Variants in HCN1 observed in about 807,000 individuals in gnomAD.
The protein encoded by HCN1 is potassium/sodium hyperpolarization-activated cyclic nucleotide-gated channel 1.
In HCN1, 13 loss-of-function variants were observed where a neutral mutation model predicts 78.9. The observed-to-expected ratio is 0.16, with a 90% confidence interval of 0.11 to 0.26. The LOEUF (loss-of-function observed/expected upper bound fraction) is 0.26. Among genes scored for constraint, HCN1 ranks in the 10% least tolerant of loss-of-function variants. The pLI is 1.00. For synonymous variants in HCN1, 552 were observed against 455.5 expected (o/e 1.21, Z -2.70); for missense variants, 810 against 1,154.3 (o/e 0.70, Z 4.32).
intron 2 of HCN1, among the ~76,000 whole-genome samples, chr5:45,587,075 C>G (rs181982906): frequency 6.6e-6 from 1 of 152,070 alleles, no homozygotes; most frequent in Admixed American, 6.6e-5. Context: ...ATGTGGAGAA[C>G]AAGGAACACT....
chr5:45,601,611 G>T (rs542185836), intron 2 of HCN1, among the ~76,000 whole-genome samples: 1 of 152,216 alleles, frequency 6.6e-6, no homozygotes, highest in African/African-American at 2.4e-5. Context: ...CGGACTTTTT[G>T]ATATTTGTTT....
intron 6 of HCN1, among the ~76,000 whole-genome samples, chr5:45,267,915 T>C (rs1744893006): frequency 6.6e-6 from 1 of 151,338 alleles, no homozygotes; most frequent in Admixed American, 6.6e-5. Context: ...ATGCAGAAAA[T>C]GGAATAAAAT....
At chr5:45,308,465 T>A (rs1336753439) in intron 5 of HCN1, among the ~76,000 whole-genome samples, 1 of 152,128 alleles carries the variant, frequency 6.6e-6, no homozygotes, top group African/African-American at 2.4e-5. Context: ...TTCTTTAAGT[T>A]AACTCTTTTA....
At chr5:45,481,375 T>C (rs575765508) in intron 2 of HCN1, among the ~76,000 whole-genome samples, 2 of 152,240 alleles carry the variant, frequency 1.3e-5, no homozygotes, top group Non-Finnish European at 2.9e-5. Context: ...AATCTCATTA[T>C]ATATGGCTCC....
chr5:45,432,305 T>C (rs1468783608), intron 3 of HCN1, among the ~76,000 whole-genome samples: 1 of 152,164 alleles, frequency 6.6e-6, no homozygotes, highest in Non-Finnish European at 1.5e-5. Context: ...TTTGCTGAAG[T>C]TGTTTATCAG....
At chr5:45,485,426 G>A (rs1432825517) in intron 2 of HCN1, among the ~76,000 whole-genome samples, 1 of 151,976 alleles carries the variant, frequency 6.6e-6, no homozygotes, top group Non-Finnish European at 1.5e-5. Context: ...AAATGTGAAA[G>A]TACAAAAAAT....
At chr5:45,626,590 A>G (rs1480760406) in intron 2 of HCN1, among the ~76,000 whole-genome samples, 1 of 152,218 alleles carries the variant, frequency 6.6e-6, no homozygotes, top group Non-Finnish European at 1.5e-5. Flanking sequence ...GGAAATATCT[A>G]TTTGTGAAGG....
chr5:45,345,532 T>C (rs1561116049), intron 5 of HCN1, among the ~76,000 whole-genome samples: 1 of 152,202 alleles, frequency 6.6e-6, no homozygotes, highest in African/African-American at 2.4e-5. Context: ...TTCCACTAGA[T>C]ACCCTAAATT....
chr5:45,362,841 C>T (rs1469762686), intron 4 of HCN1, among the ~76,000 whole-genome samples: 1 of 151,966 alleles, frequency 6.6e-6, no homozygotes, highest in Non-Finnish European at 1.5e-5. Flanking sequence ...AAATGACTCT[C>T]TATTGATCAC....
At chr5:45,349,457 A>G (rs964989052) in intron 5 of HCN1, among the ~76,000 whole-genome samples, 40 of 152,206 alleles carry the variant, frequency 2.6e-4, no homozygotes, top group Non-Finnish European at 8.8e-5. Context: ...CATCACAATT[A>G]AAAGAACTAG....
chr5:45,432,311 A>G (rs1027295433), intron 3 of HCN1, among the ~76,000 whole-genome samples: 5 of 152,140 alleles, frequency 3.3e-5, no homozygotes, highest in African/African-American at 1.2e-4. Flanking sequence ...GAAGTTGTTT[A>G]TCAGATCAAG....
chr5:45,521,121 G>A (rs1159371608), intron 2 of HCN1, among the ~76,000 whole-genome samples: 3 of 151,734 alleles, frequency 2.0e-5, no homozygotes, highest in South Asian at 2.1e-4. Flanking sequence ...CTGAAGAGAC[G>A]AAAAGAGAGG....
rs80349593 is a variant in HCN1 at position 45,406,131 on chromosome 5, C to A, written c.1012-9421G>T. Among the ~76,000 whole-genome samples the A allele has an allele frequency of 5.0e-3, 764 of 152,054 alleles. 4 individuals carry two copies. The highest frequency in any genetic ancestry group is 0.018 in the African/African-American group (729 of 41,502). ...CATCCAATTTTTTATACTAAGAGTTCATTGGTACTATTTATAAAACAGGCC... is the reference window on the plus strand; with the variant it reads ...CATCCAATTTTTTATACTAAGAGTTAATTGGTACTATTTATAAAACAGGCC... On this transcript the variant is annotated intron_variant, in intron 3 of 7. Coordinates refer to ENST00000303230, the MANE Select transcript of HCN1 (RefSeq NM_021072.4).
intron 4 of HCN1, among the ~76,000 whole-genome samples, chr5:45,355,626 C>T (rs1179078557): frequency 6.6e-6 from 1 of 151,934 alleles, no homozygotes; most frequent in Non-Finnish European, 1.5e-5. Flanking sequence ...GTAGGTCAGG[C>T]ACTCAGAGAA....
chr5:45,265,214 A>G (rs1041880885), intron 7 of HCN1, among the ~76,000 whole-genome samples: 1 of 152,126 alleles, frequency 6.6e-6, no homozygotes, highest in Non-Finnish European at 1.5e-5. Context: ...ATTAACTGCA[A>G]TAAGTTAGAT....
Position 45,677,682 on chromosome 5 carries a change from A to G in HCN1, c.425+17987T>C, listed in dbSNP as rs899167571. Among the ~76,000 whole-genome samples, 3 of 151,892 alleles carry G rather than the reference A, an allele frequency of 2.0e-5. No individual in the cohort carries two copies. The South Asian group carries it at 6.2e-4, about 31-fold the overall frequency. On this transcript the variant is annotated intron_variant, in intron 1 of 7. Coordinates refer to ENST00000303230, the MANE Select transcript of HCN1 (RefSeq NM_021072.4). ...CAGAAATGGTAATACAGGATTAAAGAGTAATGACAAGCAAGAGAGAGAAAG... is the reference window on the plus strand; with the variant it reads ...CAGAAATGGTAATACAGGATTAAAGGGTAATGACAAGCAAGAGAGAGAAAG...
At chr5:45,447,513 G>A (rs530341775) in intron 3 of HCN1, among the ~76,000 whole-genome samples, 4 of 152,090 alleles carry the variant, frequency 2.6e-5, no homozygotes, top group Non-Finnish European at 5.9e-5. Context: ...AAAGTGCTGC[G>A]ATTACAGGCA....
At position 45,400,299 on chromosome 5, in the gene HCN1, C is replaced by T. The variant is rs1579869305; in HGVS notation, c.1012-3589G>A. ...AATTCAGTTTTTCAGAATAATACAGCTATGTCTATTCTCATTTATTTCACT... is the reference window on the plus strand; with the variant it reads ...AATTCAGTTTTTCAGAATAATACAGTTATGTCTATTCTCATTTATTTCACT... On this transcript the variant is annotated intron_variant, in intron 3 of 7. Transcript: ENST00000303230. 1.3e-5 allele frequency among the ~76,000 whole-genome samples: 2 copies of T among 151,236 alleles called. 1 individual carries two copies. Among genetic ancestry groups the T allele is most frequent in the South Asian group, 4.2e-4 (2 of 4,810 alleles).
At chr5:45,345,934 T>A (rs976912975) in intron 5 of HCN1, among the ~76,000 whole-genome samples, 1 of 152,186 alleles carries the variant, frequency 6.6e-6, no homozygotes, top group Admixed American at 6.5e-5. Flanking sequence ...TACTCGAAAA[T>A]GAGTTATTCA....
Sources: gnomAD v4.1 joint callset for allele counts (sites outside exome capture counted in the v4.1 genomes callset) on GRCh38, gnomAD v4.1.1 for gene constraint, MANE v1.5 for transcripts, NCBI Gene and HGNC (gene_info 2026-07-23, HGNC 2026-07-21) for gene names.